CCNB1IP1: variants seen among roughly 807,000 people sequenced by gnomAD.
CCNB1IP1 encodes the protein cyclin B1 interacting protein 1, also known as E3 ubiquitin-protein ligase CCNB1IP1.
Under a neutral mutation model 25.6 loss-of-function variants are expected in CCNB1IP1, and 14 were observed. The observed-to-expected ratio is 0.55, with a 90% CI of 0.36 to 0.85. CCNB1IP1 has a LOEUF of 0.85. Ranked by LOEUF, CCNB1IP1 falls within the 40% of genes least tolerant of loss-of-function variation. CCNB1IP1 has a pLI of 0.01. For missense variants in CCNB1IP1, 278 were observed against 342.4 expected, an observed-to-expected ratio of 0.81 and a Z score of 1.48; for synonymous variants, 119 against 116.1, an observed-to-expected ratio of 1.02 and a Z score of -0.16.
intron 1 of CCNB1IP1, chr14:20,332,995 T>A (rs1034878958): frequency 6.6e-6 from 1 of 152,142 alleles, no homozygotes; most frequent in South Asian, 2.1e-4. Flanking sequence ...ACTGTGCACA[T>A]GAAGCACAGT....
At chr14:20,318,045 G>C (rs1177219941) in intron 4 of CCNB1IP1, 1 of 152,212 alleles carries the variant, frequency 6.6e-6, no homozygotes, top group South Asian at 2.1e-4. Context: ...TCCATGTTGA[G>C]GTAGTCCACC....
intron 1 of CCNB1IP1, among the ~76,000 whole-genome samples, chr14:20,332,249 C>A (rs1183332289): frequency 1.3e-5 from 2 of 151,784 alleles, no homozygotes; most frequent in Non-Finnish European, 2.9e-5. Flanking sequence ...GGGAGGCCTA[C>A]AAATACCTAT....
rs146791686 is a variant in CCNB1IP1 at position 20,313,593 on chromosome 14, C to T, written c.506G>A (p.Arg169His). Reference protein sequence around the residue: ...DISEKLMERNRQYQKLQGLYD... With the variant: ...DISEKLMERNHQYQKLQGLYD... Reference sequence around the variant, plus strand: ...GAGGCCTTGGAGCTTTTGATACTGACGATTGCGCTCCATAAGTTTCTCAGA... The same window carrying T: ...GAGGCCTTGGAGCTTTTGATACTGATGATTGCGCTCCATAAGTTTCTCAGA... Residue 169 changes from arginine (R) to histidine (H), a missense_variant, in exon 6 of 7, where the codon CGT (arginine) becomes CAT (histidine). Transcript: ENST00000358932. 1.4e-5 allele frequency: 23 copies of T among 1,614,066 alleles called. No homozygotes were observed. Among genetic ancestry groups the T allele is most frequent in the African/African-American group, 6.7e-5 (5 of 74,928 alleles).
At chr14:20,317,861 G>C (rs1566401037) in intron 4 of CCNB1IP1, 3 of 152,266 alleles carry the variant, frequency 2.0e-5, no homozygotes. Flanking sequence ...GAAGATTCCA[G>C]GATTCTCTGC....
chr14:20,319,450 T>C (rs1882822998), intron 4 of CCNB1IP1, among the ~76,000 whole-genome samples: 1 of 152,198 alleles, frequency 6.6e-6, no homozygotes, highest in Admixed American at 6.5e-5. Flanking sequence ...AATGTAGAAA[T>C]ATTAATACAA....
rs572699988 is a variant in CCNB1IP1, at chr14:20,311,393, T to A, written c.*157A>T. 3.0e-5 allele frequency: 14 copies of A among 459,932 alleles called. No homozygotes were observed. The highest frequency in any genetic ancestry group is 1.2e-4 in the African/African-American group (6 of 50,852). 28.5% of individuals were successfully genotyped at this position (459,932 alleles called of 1,614,324 possible). ...TGTAAAGTTAGCTAAATTATCTTTATTTTTTTTTAGAAACAGGGTCTCACT... is the reference window on the plus strand; with the variant it reads ...TGTAAAGTTAGCTAAATTATCTTTAATTTTTTTTAGAAACAGGGTCTCACT... On this transcript the variant is annotated 3_prime_UTR_variant, in exon 7 of 7. Coordinates refer to ENST00000358932, the MANE Select transcript of CCNB1IP1 (RefSeq NM_021178.5).
intron 4 of CCNB1IP1, among the ~76,000 whole-genome samples, chr14:20,320,897 G>C (rs1334055736): frequency 2.0e-5 from 3 of 151,764 alleles, no homozygotes; most frequent in African/African-American, 7.3e-5. Flanking sequence ...CAGCACTTTG[G>C]GGGGTCAAGG....
chr14:20,328,380 A>G (rs1233187870), intron 2 of CCNB1IP1, among the ~76,000 whole-genome samples: 14 of 152,236 alleles, frequency 9.2e-5, no homozygotes. Context: ...TAAATATCTC[A>G]GACAGATATG....
intron 1 of CCNB1IP1, chr14:20,330,554 A>G (rs1790965385): frequency 6.6e-6 from 1 of 152,138 alleles, no homozygotes; most frequent in Non-Finnish European, 1.5e-5. Flanking sequence ...AAGGTCACTC[A>G]TATAGTACTC....
chr14:20,315,136 CAAAAAA>C (rs1159450735), intron 5 of CCNB1IP1, among the ~76,000 whole-genome samples: 7 of 9,070 alleles, frequency 7.7e-4, no homozygotes, highest in African/African-American at 2.1e-3. Context: ...TACACCTCAC[CAAAAAA>C]AAAAAAAAAA....
At chr14:20,314,073 A>G (rs757270207) in intron 5 of CCNB1IP1, 1 of 288,412 alleles carries the variant, frequency 3.5e-6, no homozygotes, top group Non-Finnish European at 6.4e-6. Context: ...TTAACAAGTG[A>G]CATGTTTTCC....
At position 20,323,896 on chromosome 14, in the gene CCNB1IP1, C is replaced by T. The variant is rs556744563; in HGVS notation, c.-38+1643G>A. 6.6e-5 allele frequency among the ~76,000 whole-genome samples: 8 copies of T among 120,980 alleles called. No individual in the cohort carries two copies. The East Asian group carries it at 1.4e-3, about 22-fold the overall frequency. The allele number at this position is 120,980 out of a possible 152,430, so 79.4% of individuals were successfully genotyped here. Reference sequence around the variant, plus strand: ...TCGTGCCACTGCACTCCAGCCTGGGCGACAGAGCGAGACTCCGTCTCAAAA... The same window carrying T: ...TCGTGCCACTGCACTCCAGCCTGGGTGACAGAGCGAGACTCCGTCTCAAAA... On this transcript the variant is annotated intron_variant, in intron 4 of 6. Transcript: ENST00000358932.
In CCNB1IP1 at chr14:20,311,755, A is replaced by G; in HGVS notation, c.632-3T>C. The G allele has an allele frequency of 6.2e-7, 1 of 1,610,508 alleles. No homozygotes were observed. On this transcript the variant is annotated splice_region_variant and splice_polypyrimidine_tract_variant and intron_variant, in intron 6 of 6. Transcript: ENST00000358932. ...CAAAGGAAACTTGGAGTTGTTACCTAGGGCAGAAAAAAAGGAAAAACATAA... is the reference window on the plus strand; with the variant it reads ...CAAAGGAAACTTGGAGTTGTTACCTGGGGCAGAAAAAAAGGAAAAACATAA...
At chr14:20,325,861 TATA>T (rs753353846) in intron 3 of CCNB1IP1, among the ~76,000 whole-genome samples, 1 of 151,970 alleles carries the variant, frequency 6.6e-6, no homozygotes, top group African/African-American at 2.4e-5. Flanking sequence ...AAAATAGGTT[TATA>T]ATAATAAAAG....
In CCNB1IP1 at chr14:20,330,116, AAAC is replaced by A. The variant is rs371311611; in HGVS notation, c.-430-746_-430-744del. 9.4e-3 allele frequency among the ~76,000 whole-genome samples: 1,171 copies of A among 125,026 alleles called. 25 individuals are homozygous for A. The highest frequency in any genetic ancestry group is 0.04 in the African/African-American group (1,072 of 26,588). 82.0% of individuals were successfully genotyped at this position (125,026 alleles called of 152,430 possible). On this transcript the variant is annotated intron_variant, in intron 1 of 6. Coordinates refer to ENST00000358932, the MANE Select transcript of CCNB1IP1 (RefSeq NM_021178.5). ...TTTTCCACAGCCATAAAAAAAAAAA[AAAC>A]AAAAAACATGTCCTTTGCAGCAACT... is the stretch of plus-strand genomic sequence containing the variant.
At chr14:20,323,545 C>A (rs1882963417) in intron 4 of CCNB1IP1, among the ~76,000 whole-genome samples, 1 of 151,356 alleles carries the variant, frequency 6.6e-6, no homozygotes, top group African/African-American at 2.4e-5. Flanking sequence ...CACTGCACTC[C>A]AGCCTGGGCA....
intron 4 of CCNB1IP1, chr14:20,320,488 G>A: frequency 3.3e-6 from 1 of 301,452 alleles, no homozygotes; most frequent in Non-Finnish European, 6.3e-6. Flanking sequence ...CATATTTATT[G>A]GCTATAAAAA....
At chr14:20,318,815 T>G (rs1442828587) in intron 4 of CCNB1IP1, among the ~76,000 whole-genome samples, 5 of 152,142 alleles carry the variant, frequency 3.3e-5, no homozygotes, top group African/African-American at 1.2e-4. Context: ...CAGGCTGGAG[T>G]GCTGTGACGC....
rs1271162056 is a variant in CCNB1IP1, at chr14:20,316,369, T to C, written c.155A>G (p.Asn52Ser). The C allele has an allele frequency of 6.2e-7, 1 of 1,614,018 alleles. No homozygotes were observed. The highest frequency in any genetic ancestry group is 8.5e-7 in the Non-Finnish European group (1 of 1,179,882). ...SRSPAICPAC[N>S]STLSGKLDIV... ...ATCTAGCTTTCCAGAAAGGGTACTG[T>C]TGCAGGCAGGACAGATAGCTGGTGA... Residue 52 changes from asparagine (N) to serine (S), a missense_variant, in exon 5 of 7, where the codon AAC (asparagine) becomes AGC (serine). Transcript: ENST00000358932.
Sources: allele counts gnomAD v4.1 joint callset (sites outside exome capture counted in the v4.1 genomes callset), GRCh38; gene constraint gnomAD v4.1.1; transcripts MANE v1.5; gene names NCBI Gene and HGNC (gene_info 2026-07-23, HGNC 2026-07-21).